TPRG1: variants seen among roughly 807,000 people sequenced by gnomAD.
TPRG1 encodes tumor protein p63 regulated 1, also known as tumor protein p63-regulated gene 1 protein.
A neutral mutation model predicts 29.3 loss-of-function variants in TPRG1; 29 were observed. The ratio of observed to expected loss-of-function variants is 0.99; its 90% CI spans 0.74 to 1.35. TPRG1 has a LOEUF of 1.35. Among genes scored for constraint, TPRG1 ranks in the 40% most tolerant of loss-of-function variants. The pLI is 0.00. For synonymous variants in TPRG1, 130 were observed against 116.8 expected (o/e 1.11, Z -0.73); for missense variants, 327 against 335.0 (o/e 0.98, Z 0.19).
chr3:189,200,343 ATTG>A (rs1733269475), intron 1 of TPRG1, among the ~76,000 whole-genome samples: 3 of 152,346 alleles, frequency 2.0e-5, no homozygotes, highest in Non-Finnish European at 2.9e-5. Flanking sequence ...GTGTTAGAGT[ATTG>A]TTGTTTATCC....
chr3:189,053,778 A>C (rs977491867), intron 4 of TPRG1, among the ~76,000 whole-genome samples: 2 of 152,266 alleles, frequency 1.3e-5, no homozygotes, highest in African/African-American at 4.8e-5. Context: ...GTGTTTTGGT[A>C]ACAAAGAGCA....
At chr3:189,198,711 A>C (rs1732966961) in intron 1 of TPRG1, among the ~76,000 whole-genome samples, 2 of 152,234 alleles carry the variant, frequency 1.3e-5, no homozygotes, top group Non-Finnish European at 2.9e-5. Flanking sequence ...AGTGCAGCAC[A>C]GTTCCTGCTC....
At chr3:189,287,699 C>T (rs73055989) in intron 4 of TPRG1, among the ~76,000 whole-genome samples, 3,275 of 152,212 alleles carry the variant, frequency 0.022, 133 homozygotes, top group African/African-American at 0.075. Context: ...GCCCAGCCTA[C>T]TTGTTTCTTT....
At chr3:189,044,279 G>T (rs1317706214) in intron 4 of TPRG1, among the ~76,000 whole-genome samples, 1 of 152,164 alleles carries the variant, frequency 6.6e-6, no homozygotes, top group Admixed American at 6.5e-5. Flanking sequence ...ATGTGGCCGG[G>T]TACGGTGGCT....
intron 1 of TPRG1, among the ~76,000 whole-genome samples, chr3:189,115,691 TGTATTAG>T (rs938667584): frequency 1.2e-4 from 18 of 152,308 alleles, no homozygotes; most frequent in Non-Finnish European, 2.2e-4. Flanking sequence ...GTCTCTAAAT[TGTATTAG>T]GTATTAGCAG....
chr3:189,260,774 A>G (rs905726796), intron 4 of TPRG1, among the ~76,000 whole-genome samples: 1 of 152,226 alleles, frequency 6.6e-6, no homozygotes, highest in Admixed American at 6.5e-5. Flanking sequence ...TGGTGAAAGC[A>G]GCAACTACCA....
At chr3:189,067,400 C>T (rs1023220459) in intron 4 of TPRG1, among the ~76,000 whole-genome samples, 15 of 152,248 alleles carry the variant, frequency 9.9e-5, no homozygotes, top group African/African-American at 3.4e-4. Flanking sequence ...GGAGAAATCA[C>T]ATTACCTGAC....
chr3:189,128,447 C>T (rs1295597738), intron 2 of TPRG1, among the ~76,000 whole-genome samples: 2 of 152,128 alleles, frequency 1.3e-5, no homozygotes, highest in Non-Finnish European at 2.9e-5. Context: ...TCAACCATAA[C>T]ATGAAACATA....
At chr3:189,259,879 GA>G (rs1373411956) in intron 4 of TPRG1, among the ~76,000 whole-genome samples, 1 of 152,178 alleles carries the variant, frequency 6.6e-6, no homozygotes, top group Non-Finnish European at 1.5e-5. Flanking sequence ...TCTGAAACAT[GA>G]AATTCTCTGA....
At chr3:189,061,082 T>C (rs1716075024) in intron 4 of TPRG1, among the ~76,000 whole-genome samples, 1 of 152,196 alleles carries the variant, frequency 6.6e-6, no homozygotes, top group Admixed American at 6.5e-5. Context: ...AGCATGATAC[T>C]GGTATGAAAA....
intron 5 of TPRG1, among the ~76,000 whole-genome samples, chr3:189,162,483 G>A (rs1225251774): frequency 6.6e-6 from 1 of 152,162 alleles, no homozygotes; most frequent in Non-Finnish European, 1.5e-5. Flanking sequence ...TTTGCAATAA[G>A]GAAACATTGA....
At chr3:189,169,246 C>T (rs368422137), upstream of TPRG1, among the ~76,000 whole-genome samples, 4 of 152,162 alleles carry the variant, frequency 2.6e-5, no homozygotes, top group African/African-American at 9.7e-5. Flanking sequence ...CTCACTGCAA[C>T]CTCCGCCTCC....
At chr3:189,220,576 T>C (rs113472415) in intron 3 of TPRG1, among the ~76,000 whole-genome samples, 1 of 152,122 alleles carries the variant, frequency 6.6e-6, no homozygotes, top group African/African-American at 2.4e-5. Flanking sequence ...TCCTGATCCT[T>C]TCCCTCCTCC....
intron 3 of TPRG1, among the ~76,000 whole-genome samples, chr3:189,232,170 A>G (rs923750913): frequency 6.6e-6 from 1 of 152,190 alleles, no homozygotes; most frequent in East Asian, 1.9e-4. Context: ...TAAGGGATAC[A>G]TAAATGGGTG....
chr3:189,261,778 T>C (rs554426993), intron 4 of TPRG1, among the ~76,000 whole-genome samples: 10 of 152,136 alleles, frequency 6.6e-5, no homozygotes, highest in Non-Finnish European at 1.0e-4. Context: ...AGGTAGAATC[T>C]GAGGAGTTTA....
chr3:189,120,784 C>T (rs571654048), intron 1 of TPRG1, among the ~76,000 whole-genome samples: 7 of 152,294 alleles, frequency 4.6e-5, no homozygotes, highest in Admixed American at 2.0e-4. Context: ...GAAAGGCAAA[C>T]CTGGTAAACC....
chr3:189,076,536 T>A (rs901843991), intron 4 of TPRG1, among the ~76,000 whole-genome samples: 1 of 152,284 alleles, frequency 6.6e-6, no homozygotes, highest in African/African-American at 2.4e-5. Context: ...AGACTGTTTT[T>A]TTTTTTACAA....
intron 5 of TPRG1, among the ~76,000 whole-genome samples, chr3:189,163,152 A>T (rs1025029815): frequency 6.6e-6 from 1 of 152,162 alleles, no homozygotes; most frequent in Non-Finnish European, 1.5e-5. Context: ...AGGTGCCTGT[A>T]ATCCCAGCTA....
chr3:189,284,142 T>C lies in TPRG1; in HGVS notation c.480-26244T>C, dbSNP rs569858722. Among the ~76,000 whole-genome samples the C allele has an allele frequency of 2.0e-5, 3 of 152,236 alleles. No homozygotes were observed. In the South Asian group the frequency reaches 6.2e-4, roughly 32 times the overall value. On this transcript the variant is annotated intron_variant, in intron 4 of 5. Coordinates refer to ENST00000345063, the MANE Select transcript of TPRG1 (RefSeq NM_198485.4). ...TTCTCCATTAAAGTTGGGAAGGACA[T>C]TTTCTGCTTGCATCCCTCCCCGCAT...
Sources: gnomAD v4.1 joint callset for allele counts (sites outside exome capture counted in the v4.1 genomes callset) on GRCh38, gnomAD v4.1.1 for gene constraint, MANE v1.5 for transcripts, NCBI Gene and HGNC (gene_info 2026-07-23, HGNC 2026-07-21) for gene names.